PXDNL: variants seen among roughly 807,000 people sequenced by gnomAD.
The protein encoded by PXDNL is peroxidasin like.
In PXDNL, 145 loss-of-function variants were observed where a neutral mutation model predicts 150.8. The observed-to-expected ratio is 0.96, with a 90% CI of 0.84 to 1.10. The LOEUF is 1.10. PXDNL is among the 50% of genes least tolerant of loss of function. PXDNL has a pLI of 0.00. For synonymous variants in PXDNL, 757 were observed against 725.7 expected (o/e 1.04, Z -0.69); for missense variants, 2,087 against 1,873.9 (o/e 1.11, Z -2.10).
At chr8:51,483,767 A>G in intron 5 of PXDNL, 53 bp from the exon 6 acceptor site, 1 of 1,055,814 alleles carries the variant, frequency 9.5e-7, no homozygotes, top group Non-Finnish European at 1.4e-6. Context: ...TGAATTTGAC[A>G]AACAAAACCT....
At chr8:51,797,410 G>A (rs1563324077) in intron 1 of PXDNL, among the ~76,000 whole-genome samples, 1 of 152,132 alleles carries the variant, frequency 6.6e-6, no homozygotes, top group Non-Finnish European at 1.5e-5. Flanking sequence ...GACATGATCC[G>A]ATATCTAGAA....
intron 1 of PXDNL, among the ~76,000 whole-genome samples, chr8:51,750,124 A>T (rs1342278924): frequency 6.6e-6 from 1 of 152,160 alleles, no homozygotes; most frequent in Non-Finnish European, 1.5e-5. Context: ...ACTTAGCTTA[A>T]AACACAAATA....
At chr8:51,632,174 T>C (rs115990476) in intron 2 of PXDNL, among the ~76,000 whole-genome samples, 2,718 of 152,276 alleles carry the variant, frequency 0.018, 79 homozygotes, top group African/African-American at 0.063. Context: ...AAAGTGATAG[T>C]TCTACAGTAA....
intron 2 of PXDNL, among the ~76,000 whole-genome samples, chr8:51,608,011 A>AAG (rs1554557471): frequency 0.015 from 1,013 of 68,828 alleles, 91 homozygotes; most frequent in African/African-American, 0.085. Context: ...GGAAGAAAGA[A>AAG]AGAAAGAAAG....
intron 12 of PXDNL, chr8:51,436,276 G>T: frequency 2.0e-6 from 1 of 498,526 alleles, no homozygotes. Flanking sequence ...TATCATAGAA[G>T]AAGGTGTTGC....
At chr8:51,431,171 A>G (rs1394199776) in intron 12 of PXDNL, among the ~76,000 whole-genome samples, 5 of 152,174 alleles carry the variant, frequency 3.3e-5, no homozygotes, top group Non-Finnish European at 5.9e-5. Flanking sequence ...TAGAGTTGCA[A>G]ATCTCACCCC....
At chr8:51,730,623 C>T (rs940306076) in intron 1 of PXDNL, among the ~76,000 whole-genome samples, 2 of 152,162 alleles carry the variant, frequency 1.3e-5, no homozygotes, top group African/African-American at 4.8e-5. Flanking sequence ...AATCAATAAA[C>T]ATTTATGTAC....
In PXDNL at chr8:51,654,733, T is replaced by C. The variant is rs772583087; in HGVS notation, c.192A>G (p.Glu64=). 14 of 1,613,312 alleles carry C rather than the reference T, an allele frequency of 8.7e-6. 1 individual carries two copies. The South Asian group carries it at 1.4e-4, about 16-fold the overall frequency. Residue 64 remains glutamate, a synonymous_variant, in exon 2 of 23, where the codon GAA becomes GAG. Coordinates refer to ENST00000356297, the MANE Select transcript of PXDNL (RefSeq NM_144651.5). ...VLDLRFNRIR[E]IPGSAFKKLK... is the part of the protein sequence containing the mutation. Reference sequence around the variant, plus strand: ...GTTTCTTGAAGGCGCTCCCTGGAATTTCTCTTATTCTGTTAAACCTCAAGT... The same window carrying C: ...GTTTCTTGAAGGCGCTCCCTGGAATCTCTCTTATTCTGTTAAACCTCAAGT...
chr8:51,634,524 C>T (rs10958286), intron 2 of PXDNL, among the ~76,000 whole-genome samples: 59,343 of 151,876 alleles, frequency 0.39, 14,336 homozygotes, highest in African/African-American at 0.69. Context: ...AAAATGACAT[C>T]CGTAGTTTGA....
chr8:51,753,839 T>C (rs898998805), intron 1 of PXDNL, among the ~76,000 whole-genome samples: 1 of 152,216 alleles, frequency 6.6e-6, no homozygotes, highest in Non-Finnish European at 1.5e-5. Context: ...GGCTCAGAGA[T>C]ATTGACCCAC....
intron 19 of PXDNL, among the ~76,000 whole-genome samples, chr8:51,350,545 G>C (rs1178921575): frequency 6.6e-6 from 1 of 151,780 alleles, no homozygotes; most frequent in East Asian, 1.9e-4. Context: ...AGTAGAGACG[G>C]GGTTTCACTG....
intron 21 of PXDNL, among the ~76,000 whole-genome samples, chr8:51,328,072 G>T (rs902457557): frequency 6.6e-6 from 1 of 152,162 alleles, no homozygotes; most frequent in African/African-American, 2.4e-5. Flanking sequence ...AATGTGGGTG[G>T]GCCTCATCCA....
chr8:51,487,871 A>G (rs1810801525), intron 5 of PXDNL, among the ~76,000 whole-genome samples: 1 of 152,344 alleles, frequency 6.6e-6, no homozygotes, highest in African/African-American at 2.4e-5. Context: ...ATGTAACACA[A>G]AGGCGCTTTT....
At chr8:51,488,893 A>G (rs1810828419) in intron 5 of PXDNL, among the ~76,000 whole-genome samples, 2 of 152,210 alleles carry the variant, frequency 1.3e-5, no homozygotes, top group African/African-American at 4.8e-5. Flanking sequence ...AGAGTAAGAA[A>G]GCATTACAAT....
chr8:51,333,441 A>G (rs1805746335), intron 21 of PXDNL, among the ~76,000 whole-genome samples: 1 of 152,206 alleles, frequency 6.6e-6, no homozygotes, highest in South Asian at 2.1e-4. Context: ...AGTAAAAGCA[A>G]AAAACAAAGT....
intron 3 of PXDNL, among the ~76,000 whole-genome samples, chr8:51,586,559 A>C (rs1813326901): frequency 2.0e-5 from 3 of 152,210 alleles, no homozygotes; most frequent in Admixed American, 2.0e-4. Flanking sequence ...AGACCTGGTG[A>C]GAGTTGTGTC....
chr8:51,763,964 A>T (rs2037196845), intron 1 of PXDNL, among the ~76,000 whole-genome samples: 1 of 152,212 alleles, frequency 6.6e-6, no homozygotes, highest in Admixed American at 6.5e-5. Context: ...GAGAATTTTT[A>T]AAATTACTAA....
At chr8:51,777,050 A>T (rs2037361391) in intron 1 of PXDNL, among the ~76,000 whole-genome samples, 1 of 152,228 alleles carries the variant, frequency 6.6e-6, no homozygotes, top group Non-Finnish European at 1.5e-5. Context: ...GTAAAAGCAA[A>T]GCAAGTATAC....
chr8:51,598,331 C>T (rs956121607), intron 2 of PXDNL, among the ~76,000 whole-genome samples: 2 of 152,054 alleles, frequency 1.3e-5, no homozygotes, highest in East Asian at 3.9e-4. Flanking sequence ...GGGAATGCTT[C>T]CAATTTTTGC....
Sources: allele counts gnomAD v4.1 joint callset (sites outside exome capture counted in the v4.1 genomes callset), GRCh38; gene constraint gnomAD v4.1.1; transcripts MANE v1.5; gene names NCBI Gene and HGNC (gene_info 2026-07-23, HGNC 2026-07-21).